INTS4: variants seen among roughly 807,000 people sequenced by gnomAD.
INTS4 encodes the protein MSTP093.
Under a neutral mutation model 119.5 loss-of-function variants are expected in INTS4, and 70 were observed. The observed-to-expected ratio is 0.59, with a 90% confidence interval of 0.48 to 0.71. The LOEUF (loss-of-function observed/expected upper bound fraction) is 0.71. Among genes scored for constraint, INTS4 ranks in the 30% least tolerant of loss-of-function variants. The pLI, the probability that INTS4 is intolerant of heterozygous loss-of-function variation, is 0.00. For missense variants in INTS4, 867 were observed against 1,173.2 expected (o/e 0.74, Z 3.81); for synonymous variants, 316 against 419.6 (o/e 0.75, Z 3.02).
rs73501806 is a variant in INTS4, at chr11:77,946,035, C to T, written c.919-4784G>A. On this transcript the variant is annotated intron_variant, in intron 8 of 22. Transcript: ENST00000534064. ...CCGCGGCAAAGGCCTGAGCCCAGCA[C>T]GACAGCCACCACAGCAGCAACTACT... 4.5e-3 allele frequency among the ~76,000 whole-genome samples: 680 copies of T among 152,344 alleles called. 9 individuals carry two copies. Among genetic ancestry groups the T allele is most frequent in the African/African-American group, 0.015 (633 of 41,584 alleles).
At chr11:77,955,863 G>C in intron 8 of INTS4, 79 bp downstream of exon 8, 1 of 1,389,292 alleles carries the variant, frequency 7.2e-7, no homozygotes, top group East Asian at 2.5e-5. Flanking sequence ...GACCAACCTG[G>C]GCCACACAGT....
intron 6 of INTS4, 60 bp downstream of exon 6, chr11:77,960,281 G>T: frequency 1.6e-6 from 2 of 1,221,552 alleles, no homozygotes; most frequent in Non-Finnish European, 2.4e-6. Context: ...GAACCTGTGT[G>T]CCGCCCTCCC....
At chr11:77,882,052 C>T (rs969399296) in intron 22 of INTS4, among the ~76,000 whole-genome samples, 1 of 152,084 alleles carries the variant, frequency 6.6e-6, no homozygotes, top group African/African-American at 2.4e-5. Context: ...GCTGGGACTA[C>T]AGGCACATGC....
At chr11:77,965,752 A>G (rs1855476485) in intron 4 of INTS4, among the ~76,000 whole-genome samples, 1 of 152,220 alleles carries the variant, frequency 6.6e-6, no homozygotes, top group Non-Finnish European at 1.5e-5. Flanking sequence ...TTGATTCCAT[A>G]CATTGGCTAT....
At position 77,979,030 on chromosome 11, in the gene INTS4, G is replaced by C; in HGVS notation, c.437C>G (p.Ala146Gly). Residue 146 changes from alanine to glycine, a missense_variant, in exon 4 of 23, where the codon GCT (alanine) becomes GGT (glycine). Physicochemically the swap from Ala to Gly is moderately conservative, Grantham distance 60 (BLOSUM62 0). Coordinates refer to ENST00000534064, the MANE Select transcript of INTS4 (RefSeq NM_033547.4). Reference sequence around the variant, plus strand: ...CACATCAACTAATCGCATTTGGATAGCTTGATTCTCTGGTAGCTTAGTGCC... The same window carrying C: ...CACATCAACTAATCGCATTTGGATACCTTGATTCTCTGGTAGCTTAGTGCC... ...AIGTKLPENQ[A>G]IQMRLVDVAC... 6.2e-7 allele frequency: 1 copy of C among 1,612,564 alleles called. No individual in the cohort carries two copies. The highest frequency in any genetic ancestry group is 8.5e-7 in the Non-Finnish European group (1 of 1,178,728).
At chr11:77,911,090 G>T in intron 15 of INTS4, 1 of 1,285,798 alleles carries the variant, frequency 7.8e-7, no homozygotes, top group Non-Finnish European at 1.0e-6. Context: ...TCTCATGCTC[G>T]GCAGGTAACG....
chr11:77,884,817 C>A, intron 21 of INTS4: 1 of 406,364 alleles, frequency 2.5e-6, no homozygotes, highest in South Asian at 1.8e-5. Flanking sequence ...TGCAGTGGCA[C>A]GATCATAACT....
At chr11:77,971,746 G>C (rs1855745075) in intron 4 of INTS4, among the ~76,000 whole-genome samples, 1 of 152,096 alleles carries the variant, frequency 6.6e-6, no homozygotes, top group African/African-American at 2.4e-5. Context: ...TGGGTCCCCT[G>C]AAAAACAAGT....
chr11:77,989,428 T>C (rs577240018), intron 2 of INTS4, among the ~76,000 whole-genome samples: 1 of 151,352 alleles, frequency 6.6e-6, no homozygotes, highest in East Asian at 2.0e-4. Context: ...GCTATTACAC[T>C]CCAGCCTGGG....
rs575729621 is a variant in INTS4, at chr11:77,986,900, T to G, written c.246+4208A>C. Reference sequence around the variant, plus strand: ...ATACCTAAAGTAAATGATGAGTTAATGGGTGCAGCAAGCCAACATGGCACA... The same window carrying G: ...ATACCTAAAGTAAATGATGAGTTAAGGGGTGCAGCAAGCCAACATGGCACA... On this transcript the variant is annotated intron_variant, in intron 2 of 22. Coordinates refer to ENST00000534064, the MANE Select transcript of INTS4 (RefSeq NM_033547.4). 1.3e-3 allele frequency: 199 copies of G among 152,254 alleles called. 1 individual carries two copies. Among genetic ancestry groups the G allele is most frequent in the African/African-American group, 4.6e-3 (192 of 41,538 alleles). 9.4% of individuals were successfully genotyped at this position (152,254 alleles called of 1,614,324 possible).
At chr11:77,941,363 C>A in intron 8 of INTS4, 112 bp from the exon 9 acceptor site, 1 of 1,214,520 alleles carries the variant, frequency 8.2e-7, no homozygotes, top group South Asian at 1.8e-5. Flanking sequence ...TTATTCATGA[C>A]AGTAAAGATG....
chr11:77,900,818 T>C (rs2136438600), intron 18 of INTS4: 1 of 586,404 alleles, frequency 1.7e-6, no homozygotes, highest in Non-Finnish European at 3.0e-6. Context: ...ACAGATATAA[T>C]TACACTGAGC....
At chr11:77,980,007 A>G (rs1346431159) in intron 3 of INTS4, among the ~76,000 whole-genome samples, 1 of 150,956 alleles carries the variant, frequency 6.6e-6, no homozygotes, top group African/African-American at 2.4e-5. Flanking sequence ...AGAAACAGAA[A>G]AAAAAAAAAG....
In INTS4 at chr11:77,878,749, G is replaced by A; in HGVS notation, c.*200C>T. ...TGTTTTCTCAACTTTATTGTGGACAGGAGAAGGGTAAGTAGACTTGAAGGT... is the reference window on the plus strand; with the variant it reads ...TGTTTTCTCAACTTTATTGTGGACAAGAGAAGGGTAAGTAGACTTGAAGGT... On this transcript the variant is annotated 3_prime_UTR_variant, in exon 23 of 23. Transcript: ENST00000534064. The A allele has an allele frequency of 2.9e-6, 2 of 695,162 alleles. No homozygotes were observed. Among genetic ancestry groups the A allele is most frequent in the Non-Finnish European group, 5.2e-6 (2 of 383,754 alleles). The allele number at this position is 695,162 out of a possible 1,614,324, so 43.1% of individuals were successfully genotyped here.
At chr11:77,965,645 T>G (rs922822965) in intron 4 of INTS4, among the ~76,000 whole-genome samples, 3 of 152,242 alleles carry the variant, frequency 2.0e-5, no homozygotes, top group African/African-American at 7.2e-5. Flanking sequence ...CATGTTGTCA[T>G]GAATGACAGG....
Position 77,991,834 on chromosome 11 carries a change from T to C in INTS4, c.55-535A>G, listed in dbSNP as rs181914099. 2.4e-3 allele frequency among the ~76,000 whole-genome samples: 366 copies of C among 152,222 alleles called. 4 individuals carry two copies. Among genetic ancestry groups the C allele is most frequent in the African/African-American group, 8.5e-3 (352 of 41,568 alleles). The stretch of plus-strand genomic sequence containing the variant: ...GTGCAATGGTGCAATCTTGGCTTGC[T>C]GCAATCTCCACCTCCTAGGTTCAAA... On this transcript the variant is annotated intron_variant, in intron 1 of 22. Transcript: ENST00000534064.
At chr11:77,980,170 A>G (rs1250545163) in intron 3 of INTS4, among the ~76,000 whole-genome samples, 1 of 92,076 alleles carries the variant, frequency 1.1e-5, no homozygotes, top group African/African-American at 4.9e-5. Context: ...ACTTATAATT[A>G]CATGCCCCCT....
In INTS4 at chr11:77,922,439, G is replaced by A; in HGVS notation, c.1547C>T (p.Thr516Ile). Residue 516 changes from threonine (T) to isoleucine (I), a missense_variant, in exon 13 of 23, where the codon ACC becomes ATC. Thr to Ile is a moderately conservative substitution (Grantham distance 89). Around this residue, in one of 5 missense-constraint regions of INTS4, gnomAD observed 51 missense variants for 125.5 expected, o/e 0.41. Transcript: ENST00000534064. Reference protein sequence around the residue: ...CLKFLGSRHPTLVLPLVPELL... With the variant: ...CLKFLGSRHPILVLPLVPELL... ...CTCTGGCACCAAGGGAAGCACCAGG[G>A]TTGGATGCCGACTTCCCAGAAACTT... 1 of 1,497,992 alleles carries A rather than the reference G, an allele frequency of 6.7e-7. No homozygotes were observed. 92.8% of individuals were successfully genotyped at this position (1,497,992 alleles called of 1,614,324 possible).
intron 15 of INTS4, among the ~76,000 whole-genome samples, chr11:77,917,374 C>T (rs1364686927): frequency 2.0e-5 from 3 of 146,556 alleles, no homozygotes; most frequent in Admixed American, 6.8e-5. Context: ...AGTGCAGTGG[C>T]GCAATCCTGG....
Sources: allele counts gnomAD v4.1 joint callset (sites outside exome capture counted in the v4.1 genomes callset), GRCh38; gene constraint gnomAD v4.1.1; regional missense constraint gnomAD v4.1.1; transcripts MANE v1.5; gene names NCBI Gene and HGNC (gene_info 2026-07-23, HGNC 2026-07-21).